The following CACNB2 variants were observed in gnomAD, a reference collection of about 807,000 sequenced individuals.
The protein encoded by CACNB2 is calcium voltage-gated channel auxiliary subunit beta 2, also known as voltage-dependent L-type calcium channel subunit beta-2.
Under a neutral mutation model 73.3 loss-of-function variants are expected in CACNB2, and 42 were observed. The observed-to-expected ratio is 0.57, with a 90% CI of 0.45 to 0.74. The LOEUF is 0.74. Ranked by LOEUF, CACNB2 falls within the 30% of genes least tolerant of loss-of-function variation. The pLI, the probability that CACNB2 is intolerant of heterozygous loss-of-function variation, is 0.00. For missense variants in CACNB2, 940 were observed against 853.0 expected (o/e 1.10, Z -1.27); for synonymous variants, 348 against 310.3 (o/e 1.12, Z -1.28).
At chr10:18,520,168 TATTC>T (rs2051711409) in intron 9 of CACNB2, 1 of 169,564 alleles carries the variant, frequency 5.9e-6, no homozygotes, top group Admixed American at 6.2e-5. Flanking sequence ...TACAATTGCC[TATTC>T]ATTATCACTA....
intron 2 of CACNB2, among the ~76,000 whole-genome samples, chr10:18,392,242 A>G (rs1350745738): frequency 2.0e-5 from 3 of 152,164 alleles, no homozygotes; most frequent in Non-Finnish European, 4.4e-5. Context: ...CGTTACTAAC[A>G]AAGGAGACTT....
At chr10:18,391,693 G>A (rs575722433) in intron 2 of CACNB2, among the ~76,000 whole-genome samples, 3 of 152,180 alleles carry the variant, frequency 2.0e-5, no homozygotes, top group Admixed American at 6.5e-5. Context: ...TTGGGAGGCC[G>A]AGGCACATGG....
In CACNB2 at chr10:18,202,899, A is replaced by G. The variant is rs115822785; in HGVS notation, c.213+51924A>G. 4.7e-3 allele frequency among the ~76,000 whole-genome samples: 713 copies of G among 152,314 alleles called. 3 individuals are homozygous for G. The highest frequency in any genetic ancestry group is 0.016 in the African/African-American group (685 of 41,574). The stretch of plus-strand genomic sequence containing the variant: ...TTCTTGACATACAGACTGACACTGT[A>G]TAATTCAGTCAGTTTCCTATTATCT... On this transcript the variant is annotated intron_variant, in intron 2 of 13. Coordinates refer to ENST00000324631, the MANE Select transcript of CACNB2 (RefSeq NM_201596.3).
At chr10:18,335,775 C>G (rs1783053596) in intron 2 of CACNB2, among the ~76,000 whole-genome samples, 2 of 129,356 alleles carry the variant, frequency 1.5e-5, no homozygotes, top group South Asian at 2.6e-4. Flanking sequence ...TCTTGTTTGA[C>G]AGCAAGAAAA....
In CACNB2 at chr10:18,151,064, A is replaced by C. The variant is rs142218357; in HGVS notation, c.213+89A>C. The C allele has an allele frequency of 4.5e-3, 3,810 of 838,728 alleles. 18 individuals carry two copies. Among genetic ancestry groups the C allele is most frequent in the Non-Finnish European group, 5.0e-3 (2,398 of 478,968 alleles). The allele number at this position is 838,728 out of a possible 1,614,324, so 52.0% of individuals were successfully genotyped here. ...GGTTTCACTCTTTTCCTTAAGATTT[A>C]TGTAGTATGATTGTACTTACTTTTA... On this transcript the variant is annotated intron_variant, in intron 2 of 13. Transcript: ENST00000324631.
At chr10:18,222,773 C>T (rs571375183) in intron 2 of CACNB2, among the ~76,000 whole-genome samples, 3 of 152,202 alleles carry the variant, frequency 2.0e-5, no homozygotes, top group East Asian at 1.9e-4. Flanking sequence ...CCTGTCTCTA[C>T]TAAAAATACA....
At position 18,223,560 on chromosome 10, in the gene CACNB2, A is replaced by T. The variant is rs186469234; in HGVS notation, c.213+72585A>T. Among the ~76,000 whole-genome samples the T allele has an allele frequency of 3.3e-5, 5 of 152,318 alleles. No individual in the cohort carries two copies. In the East Asian group the frequency reaches 9.6e-4, roughly 29 times the overall value. ...TTTTAATACTTATGCAGAAAAGCAC[A>T]TAAAACAGAATGCTCCTATGTTCCC... On this transcript the variant is annotated intron_variant, in intron 2 of 13. Transcript: ENST00000324631.
At chr10:18,421,080 A>G (rs1007027151) in intron 3 of CACNB2, among the ~76,000 whole-genome samples, 1 of 152,186 alleles carries the variant, frequency 6.6e-6, no homozygotes, top group Non-Finnish European at 1.5e-5. Flanking sequence ...CAAAAAATTC[A>G]TATGTATGTA....
At chr10:18,232,259 C>G (rs1389152565) in intron 2 of CACNB2, among the ~76,000 whole-genome samples, 1 of 152,050 alleles carries the variant, frequency 6.6e-6, no homozygotes, top group Non-Finnish European at 1.5e-5. Flanking sequence ...TTCTCATGAC[C>G]AATCTATTCA....
At chr10:18,492,999 CAACT>C (rs1429940124) in intron 3 of CACNB2, among the ~76,000 whole-genome samples, 2 of 151,882 alleles carry the variant, frequency 1.3e-5, no homozygotes, top group Non-Finnish European at 1.5e-5. Context: ...CGGATTCAAC[CAACT>C]GTGGATTGAA....
At chr10:18,301,901 C>T (rs1334705887) in intron 2 of CACNB2, among the ~76,000 whole-genome samples, 2 of 151,944 alleles carry the variant, frequency 1.3e-5, no homozygotes, top group African/African-American at 2.4e-5. Flanking sequence ...CCCACCTTGG[C>T]CCCCCAGGGT....
At chr10:18,228,143 C>T (rs866274736) in intron 2 of CACNB2, among the ~76,000 whole-genome samples, 2 of 152,082 alleles carry the variant, frequency 1.3e-5, no homozygotes, top group African/African-American at 4.8e-5. Context: ...GAAAAATAGG[C>T]CGGACGCGGT....
At chr10:18,432,438 ATGTGTGTGTCTCTG>A (rs1195372283) in intron 3 of CACNB2, among the ~76,000 whole-genome samples, 2 of 102,246 alleles carry the variant, frequency 2.0e-5, no homozygotes, top group Non-Finnish European at 3.8e-5. Flanking sequence ...GGAGGGATGG[ATGTGTGTGTCTCTG>A]TGTGTGTGTG....
chr10:18,389,653 A>G (rs973223842), intron 2 of CACNB2, among the ~76,000 whole-genome samples: 4 of 152,224 alleles, frequency 2.6e-5, no homozygotes, highest in Non-Finnish European at 4.4e-5. Context: ...CCTAGAAGTG[A>G]AATTAATAGC....
intron 10 of CACNB2, among the ~76,000 whole-genome samples, chr10:18,531,050 T>C (rs2052972139): frequency 6.6e-6 from 1 of 152,156 alleles, no homozygotes; most frequent in East Asian, 1.9e-4. Flanking sequence ...GTTTTGTGTG[T>C]AGTAATTATG....
Position 18,400,709 on chromosome 10 carries a change from G to C in CACNB2, c.214-1215G>C, listed in dbSNP as rs61839258. The C allele has an allele frequency of 1.8e-6, 2 of 1,092,564 alleles. 1 individual carries two copies. The highest frequency in any genetic ancestry group is 3.3e-5 in the African/African-American group (2 of 61,054). 67.7% of individuals were successfully genotyped at this position (1,092,564 alleles called of 1,614,324 possible). On this transcript the variant is annotated intron_variant, in intron 2 of 13. Transcript: ENST00000324631. ...TTTAACAATTTGAGCGCAGGGAAGA[G>C]AATGTTTAGGGTTATGAGATGCATT...
At chr10:18,267,617 C>CA (rs1439502681) in intron 2 of CACNB2, among the ~76,000 whole-genome samples, 2 of 151,806 alleles carry the variant, frequency 1.3e-5, no homozygotes, top group African/African-American at 4.8e-5. Context: ...AAAAAGAAAA[C>CA]AAAAAAATAA....
At chr10:18,341,704 T>C (rs1241780796) in intron 2 of CACNB2, among the ~76,000 whole-genome samples, 5 of 152,178 alleles carry the variant, frequency 3.3e-5, no homozygotes, top group South Asian at 2.1e-4. Flanking sequence ...TTAAAATTAA[T>C]AGTTTGTCTA....
At chr10:18,223,271 C>G (rs551383423) in intron 2 of CACNB2, among the ~76,000 whole-genome samples, 2 of 152,108 alleles carry the variant, frequency 1.3e-5, no homozygotes, top group Non-Finnish European at 2.9e-5. Flanking sequence ...ATATGTAATA[C>G]TGAATATTAA....
Sources: gnomAD v4.1 joint callset for allele counts (sites outside exome capture counted in the v4.1 genomes callset) on GRCh38, gnomAD v4.1.1 for gene constraint, MANE v1.5 for transcripts, NCBI Gene and HGNC (gene_info 2026-07-23, HGNC 2026-07-21) for gene names.